ANKRD44: variants seen among roughly 807,000 people sequenced by gnomAD.
ANKRD44 encodes ankyrin repeat domain 44.
ANKRD44 carries 35 observed loss-of-function variants against 116.0 expected under a neutral mutation model. The observed-to-expected ratio is 0.30, with a 90% CI of 0.23 to 0.40. The LOEUF (loss-of-function observed/expected upper bound fraction) is 0.40, where lower values mean the gene tolerates loss of function less well. ANKRD44 is among the 10% of genes least tolerant of loss of function. The pLI, the probability that ANKRD44 is intolerant of heterozygous loss-of-function variation, is 1.00. For synonymous variants in ANKRD44, 435 were observed against 461.8 expected, an observed-to-expected ratio of 0.94 and a Z score of 0.74; for missense variants, 1,014 against 1,242.6, an observed-to-expected ratio of 0.82 and a Z score of 2.77.
At chr2:197,275,081 C>G (rs367547479) in intron 1 of ANKRD44, among the ~76,000 whole-genome samples, 1 of 151,846 alleles carries the variant, frequency 6.6e-6, no homozygotes, top group African/African-American at 2.4e-5. Flanking sequence ...GACACTCCAG[C>G]CTGGGTGACA....
At chr2:197,146,401 A>G (rs2079503359) in intron 3 of ANKRD44, among the ~76,000 whole-genome samples, 1 of 152,150 alleles carries the variant, frequency 6.6e-6, no homozygotes, top group Non-Finnish European at 1.5e-5. Flanking sequence ...GTATAACAGT[A>G]TTGTTTTGCA....
intron 8 of ANKRD44, among the ~76,000 whole-genome samples, chr2:197,116,821 T>C (rs1277062054): frequency 6.6e-6 from 1 of 152,206 alleles, no homozygotes. Flanking sequence ...TTTGACACTA[T>C]TGGGCTTCTC....
intron 1 of ANKRD44, among the ~76,000 whole-genome samples, chr2:197,292,236 T>G (rs1419683493): frequency 6.6e-6 from 1 of 152,220 alleles, no homozygotes; most frequent in East Asian, 1.9e-4. Context: ...TCTAGATTCT[T>G]GAGAGATCGC....
intron 26 of ANKRD44, 35 bp from the exon 27 acceptor site, chr2:196,993,709 C>T (rs1374586520): frequency 6.6e-7 from 1 of 1,526,282 alleles, no homozygotes; most frequent in East Asian, 2.5e-5. Flanking sequence ...AGTTGTGATA[C>T]ATATTTGGGT....
chr2:197,150,104 C>T (rs1299847611), intron 2 of ANKRD44, among the ~76,000 whole-genome samples: 1 of 152,120 alleles, frequency 6.6e-6, no homozygotes, highest in Non-Finnish European at 1.5e-5. Context: ...GGAGTCACAC[C>T]TTTTACAACT....
In ANKRD44 at chr2:197,125,540, A is replaced by T. The variant is rs2078956077; in HGVS notation, c.463-72T>A. The T allele has an allele frequency of 3.7e-6, 5 of 1,350,416 alleles. No individual in the cohort carries two copies. In the South Asian group the frequency reaches 5.8e-5, roughly 16 times the overall value. 83.7% of individuals were successfully genotyped at this position (1,350,416 alleles called of 1,614,324 possible). On this transcript the variant is annotated intron_variant, in intron 5 of 27. Coordinates refer to ENST00000282272, the MANE Select transcript of ANKRD44 (RefSeq NM_001195144.2). ...GAGGCCTCCTCACTGCCTGCAGATG[A>T]TCTGAGCCAAATTAACATGAAATCT...
intron 1 of ANKRD44, among the ~76,000 whole-genome samples, chr2:197,272,286 T>A (rs1169025100): frequency 2.0e-5 from 3 of 152,244 alleles, no homozygotes; most frequent in African/African-American, 7.2e-5. Context: ...TCACCCAGGC[T>A]GGAGTGCAGT....
intron 16 of ANKRD44, among the ~76,000 whole-genome samples, chr2:197,073,856 G>A (rs2077610019): frequency 1.3e-5 from 2 of 152,152 alleles, no homozygotes; most frequent in South Asian, 4.1e-4. Context: ...CAATGCCCCA[G>A]TGTCCTAGGC....
intron 1 of ANKRD44, among the ~76,000 whole-genome samples, chr2:197,202,416 AC>A (rs1000381596): frequency 4.0e-5 from 6 of 151,494 alleles, no homozygotes; most frequent in African/African-American, 1.5e-4. Flanking sequence ...AAAAAAAAAA[AC>A]CCAATAAGGG....
chr2:197,236,209 C>A (rs1424382636), intron 1 of ANKRD44, among the ~76,000 whole-genome samples: 1 of 152,128 alleles, frequency 6.6e-6, no homozygotes, highest in African/African-American at 2.4e-5. Flanking sequence ...AAGTTGAAAG[C>A]ACTTCTCCTC....
chr2:197,064,058 C>T (rs939758720), intron 16 of ANKRD44, among the ~76,000 whole-genome samples: 4 of 152,202 alleles, frequency 2.6e-5, no homozygotes, highest in Non-Finnish European at 5.9e-5. Context: ...AGAGAAACGT[C>T]GGGTTACCCT....
intron 1 of ANKRD44, among the ~76,000 whole-genome samples, chr2:197,195,537 T>C (rs1013981969): frequency 6.6e-6 from 1 of 152,178 alleles, no homozygotes; most frequent in Admixed American, 6.5e-5. Context: ...AGTTTTTGGT[T>C]CTTTAATGTC....
intron 10 of ANKRD44, among the ~76,000 whole-genome samples, chr2:197,096,879 C>T (rs2078173449): frequency 6.6e-6 from 1 of 151,952 alleles, no homozygotes; most frequent in Non-Finnish European, 1.5e-5. Flanking sequence ...CACACAAACA[C>T]ACAAAGGCAC....
chr2:197,147,233 C>T (rs1158182469), intron 2 of ANKRD44, 128 bp from the exon 3 acceptor site: 9 of 679,874 alleles, frequency 1.3e-5, no homozygotes, highest in Admixed American at 4.9e-5. Flanking sequence ...ACCAAACATT[C>T]GAGTAACTTC....
chr2:197,151,108 C>A (rs1574557105), intron 2 of ANKRD44, among the ~76,000 whole-genome samples: 5 of 109,762 alleles, frequency 4.6e-5, no homozygotes, highest in African/African-American at 1.1e-4. Context: ...CAGGAACTTT[C>A]AAGTTGAAAA....
intron 18 of ANKRD44, among the ~76,000 whole-genome samples, chr2:197,011,199 G>A (rs1257809386): frequency 2.0e-5 from 3 of 152,154 alleles, no homozygotes; most frequent in African/African-American, 7.2e-5. Context: ...ACTGACAGCT[G>A]AATACTGCAG....
chr2:197,098,935 C>T (rs891587508), intron 10 of ANKRD44, among the ~76,000 whole-genome samples: 3 of 152,144 alleles, frequency 2.0e-5, no homozygotes, highest in African/African-American at 7.2e-5. Context: ...TCCTGCCCCT[C>T]GGTGGTGCAC....
At chr2:197,044,318 A>C (rs2076962860) in intron 16 of ANKRD44, among the ~76,000 whole-genome samples, 1 of 152,174 alleles carries the variant, frequency 6.6e-6, no homozygotes, top group Admixed American at 6.6e-5. Flanking sequence ...GTATAACCAT[A>C]ATGTATGCTT....
chr2:197,069,199 GA>G (rs1277066166), intron 16 of ANKRD44, among the ~76,000 whole-genome samples: 1 of 149,154 alleles, frequency 6.7e-6, no homozygotes, highest in Non-Finnish European at 1.5e-5. Flanking sequence ...ATCACAAGGA[GA>G]AAAAAACCAA....
Sources: gnomAD v4.1 joint callset for allele counts (sites outside exome capture counted in the v4.1 genomes callset) on GRCh38, gnomAD v4.1.1 for gene constraint, MANE v1.5 for transcripts, NCBI Gene and HGNC (gene_info 2026-07-23, HGNC 2026-07-21) for gene names.